DNAJC24: variants seen among roughly 807,000 people sequenced by gnomAD.
DNAJC24 encodes the protein DnaJ heat shock protein family (Hsp40) member C24.
DNAJC24 carries 17 observed loss-of-function variants against 18.0 expected under a neutral mutation model. The observed-to-expected ratio is 0.94, with a 90% CI of 0.65 to 1.42. The LOEUF is 1.42. Ranked by LOEUF, DNAJC24 falls within the 40% of genes most tolerant of loss-of-function variation. The pLI is 0.00. For synonymous variants in DNAJC24, 55 were observed against 57.7 expected (o/e 0.95, Z 0.21); for missense variants, 158 against 175.6 (o/e 0.90, Z 0.57).
chr11:31,386,290 A>G (rs1159634768), intron 2 of DNAJC24, among the ~76,000 whole-genome samples: 1 of 150,780 alleles, frequency 6.6e-6, no homozygotes, highest in Non-Finnish European at 1.5e-5. Flanking sequence ...ACTTGCATCA[A>G]CCCTCCCCCA....
intron 2 of DNAJC24, among the ~76,000 whole-genome samples, chr11:31,371,442 A>G (rs1252048662): frequency 2.0e-5 from 3 of 152,144 alleles, no homozygotes; most frequent in Admixed American, 6.5e-5. Context: ...CCTAATTTTC[A>G]TATCTAGCAT....
chr11:31,405,548 G>A (rs1952649219), intron 2 of DNAJC24, among the ~76,000 whole-genome samples: 1 of 151,754 alleles, frequency 6.6e-6, no homozygotes, highest in African/African-American at 2.4e-5. Flanking sequence ...TACAATCATC[G>A]CTCACCATAG....
intron 4 of DNAJC24, among the ~76,000 whole-genome samples, chr11:31,429,158 G>A (rs930892683): frequency 6.6e-6 from 1 of 151,594 alleles, no homozygotes; most frequent in Admixed American, 6.6e-5. Flanking sequence ...TCTGTATGGA[G>A]AGCAAAGGCA....
intron 2 of DNAJC24, among the ~76,000 whole-genome samples, chr11:31,413,293 A>G (rs1952724889): frequency 6.6e-6 from 1 of 151,960 alleles, no homozygotes; most frequent in Admixed American, 6.6e-5. Flanking sequence ...TTAAAATATA[A>G]AACTGTCAAA....
At chr11:31,416,449 C>G (rs1952752238) in intron 3 of DNAJC24, 1 of 152,090 alleles carries the variant, frequency 6.6e-6, no homozygotes, top group Admixed American at 6.6e-5. Flanking sequence ...ATTCCTAAAG[C>G]CACTACGCTC....
At chr11:31,393,297 A>G (rs771019280) in intron 2 of DNAJC24, among the ~76,000 whole-genome samples, 1 of 152,176 alleles carries the variant, frequency 6.6e-6, no homozygotes, top group Non-Finnish European at 1.5e-5. Context: ...ATAATGGGGC[A>G]CATAGGAGCC....
At chr11:31,393,715 A>G (rs1355292850) in intron 2 of DNAJC24, among the ~76,000 whole-genome samples, 1 of 152,164 alleles carries the variant, frequency 6.6e-6, no homozygotes, top group Non-Finnish European at 1.5e-5. Flanking sequence ...CTGTGAGCCA[A>G]TAAATTTCTG....
chr11:31,415,258 AAAAT>A (rs1952742655), intron 3 of DNAJC24: 1 of 204,134 alleles, frequency 4.9e-6, no homozygotes, highest in East Asian at 1.2e-4. Flanking sequence ...ACTTTTTATT[AAAAT>A]AAATATGGAT....
rs1952630962 is a variant in DNAJC24 at position 31,404,159 on chromosome 11, C to A, written c.112-10652C>A. On this transcript the variant is annotated intron_variant, in intron 2 of 4. Transcript: ENST00000465995. ...GTTTTAGCTGGCTTCCTTACTGCAA[C>A]CTGTTTTATCAGTGAGGTCTTTATG... is the stretch of plus-strand genomic sequence containing the variant. Among the ~76,000 whole-genome samples the A allele has an allele frequency of 3.3e-5, 5 of 152,134 alleles. No homozygotes were observed. In the South Asian group the frequency reaches 1.0e-3, roughly 32 times the overall value.
At chr11:31,408,056 T>G in intron 2 of DNAJC24, 1 of 455,462 alleles carries the variant, frequency 2.2e-6, no homozygotes, top group Non-Finnish European at 4.4e-6. Flanking sequence ...AGGTATCAAA[T>G]ATAAAAAAAA....
At chr11:31,387,626 T>C (rs1241266561) in intron 2 of DNAJC24, among the ~76,000 whole-genome samples, 3 of 152,148 alleles carry the variant, frequency 2.0e-5, no homozygotes, top group African/African-American at 7.2e-5. Flanking sequence ...ATACTTGGAA[T>C]GCCTTCCCAA....
At chr11:31,372,265 G>A (rs1351895389) in intron 2 of DNAJC24, among the ~76,000 whole-genome samples, 1 of 83,532 alleles carries the variant, frequency 1.2e-5, no homozygotes, top group African/African-American at 3.0e-5. Context: ...AGTTTATAAA[G>A]AGTAAAGAAC....
rs987126611 is a variant in DNAJC24, at chr11:31,432,658, A to G, written c.*2257A>G. 2.4e-6 allele frequency: 2 copies of G among 841,226 alleles called. No individual in the cohort carries two copies. Among genetic ancestry groups the G allele is most frequent in the Admixed American group, 1.9e-5 (1 of 52,162 alleles). The allele number at this position is 841,226 out of a possible 1,614,324, so 52.1% of individuals were successfully genotyped here. A position where few individuals can be genotyped will look rare whatever the true frequency, so the allele number is the denominator to read the frequency against. ...CTTTTGCTATCTGTCCCTTTTCTCTATGCCAGATAAACACTTTCTCCTTAC... is the reference window on the plus strand; with the variant it reads ...CTTTTGCTATCTGTCCCTTTTCTCTGTGCCAGATAAACACTTTCTCCTTAC... On this transcript the variant is annotated 3_prime_UTR_variant, in exon 5 of 5. Coordinates refer to ENST00000465995, the MANE Select transcript of DNAJC24 (RefSeq NM_181706.5).
At chr11:31,427,448 T>C (rs1339129023) in intron 4 of DNAJC24, 1 of 151,826 alleles carries the variant, frequency 6.6e-6, no homozygotes, top group African/African-American at 2.4e-5. Context: ...AGAAATACTG[T>C]GAAAACAATA....
chr11:31,370,842 C>A lies in DNAJC24; in HGVS notation c.94C>A (p.Gln32Lys). Residue 32 changes from glutamine to lysine, a missense_variant, in exon 2 of 5, where the codon CAA becomes AAA. Coordinates refer to ENST00000465995, the MANE Select transcript of DNAJC24 (RefSeq NM_181706.5). The stretch of plus-strand genomic sequence containing the variant: ...TATATCAGACCTAAAACAAAAATAT[C>A]AAAAACTCATATTAATGGTAAGTCT... ...ANISDLKQKY[Q>K]KLILMYHPDK... 6.2e-7 allele frequency: 1 copy of A among 1,600,330 alleles called. No individual in the cohort carries two copies. The highest frequency in any genetic ancestry group is 8.5e-7 in the Non-Finnish European group (1 of 1,170,288).
chr11:31,426,628 T>C (rs1462508977), intron 4 of DNAJC24: 1 of 292,352 alleles, frequency 3.4e-6, no homozygotes, highest in Non-Finnish European at 6.2e-6. Context: ...TTGTTGTGTT[T>C]TTTTACTTTA....
chr11:31,410,327 G>A (rs1952696336), intron 2 of DNAJC24, among the ~76,000 whole-genome samples: 1 of 152,108 alleles, frequency 6.6e-6, no homozygotes, highest in Admixed American at 6.5e-5. Context: ...CTGTTCATCA[G>A]TTTTCTTTGA....
At chr11:31,399,727 T>TA (rs1325220531) in intron 2 of DNAJC24, among the ~76,000 whole-genome samples, 4 of 140,214 alleles carry the variant, frequency 2.9e-5, no homozygotes, top group Non-Finnish European at 6.2e-5. Context: ...TTTTTTTTTT[T>TA]AACTGTTTTT....
At chr11:31,373,848 G>C (rs1251601390) in intron 2 of DNAJC24, among the ~76,000 whole-genome samples, 2 of 134,358 alleles carry the variant, frequency 1.5e-5, no homozygotes, top group Non-Finnish European at 3.4e-5. Flanking sequence ...TTGGTTTTTG[G>C]TTCCATTATA....
Sources: allele counts gnomAD v4.1 joint callset (sites outside exome capture counted in the v4.1 genomes callset), GRCh38; gene constraint gnomAD v4.1.1; transcripts MANE v1.5; gene names NCBI Gene and HGNC (gene_info 2026-07-23, HGNC 2026-07-21).